The following VPS36 variants were observed in gnomAD, a reference collection of about 807,000 sequenced individuals.
VPS36 encodes the protein vacuolar protein sorting 36 homolog.
A neutral mutation model predicts 63.5 loss-of-function variants in VPS36; 31 were observed. The ratio of observed to expected loss-of-function variants is 0.49; its 90% CI spans 0.37 to 0.66. VPS36 has a LOEUF of 0.66. Ranked by LOEUF, VPS36 falls within the 30% of genes least tolerant of loss-of-function variation. The pLI is 0.00. For missense variants in VPS36, 338 were observed against 463.7 expected, an observed-to-expected ratio of 0.73 and a Z score of 2.49; for synonymous variants, 138 against 157.2, an observed-to-expected ratio of 0.88 and a Z score of 0.91.
intron 10 of VPS36, 93 bp from the exon 11 acceptor site, chr13:52,418,149 T>C (rs1329306901): frequency 4.3e-6 from 5 of 1,165,860 alleles, no homozygotes; most frequent in Non-Finnish European, 6.0e-6. Context: ...ATCAATAATT[T>C]TAGGTGATTT....
At chr13:52,450,278 G>GGACC in intron 1 of VPS36, 2 of 1,146,530 alleles carry the variant, frequency 1.7e-6, no homozygotes, top group Non-Finnish European at 2.1e-6. Flanking sequence ...GCCAAAGTTG[G>GGACC]GACCCGCGCT....
chr13:52,418,470 G>C (rs796997688), intron 10 of VPS36, among the ~76,000 whole-genome samples: 3 of 149,972 alleles, frequency 2.0e-5, no homozygotes, highest in African/African-American at 7.3e-5. Flanking sequence ...AGCTACTCGA[G>C]AGGCTAAGGC....
Position 52,415,184 on chromosome 13 carries a change from A to C in VPS36, c.*646T>G, listed in dbSNP as rs1957982447. 1.3e-5 allele frequency: 2 copies of C among 152,226 alleles called. No homozygotes were observed. The highest frequency in any genetic ancestry group is 1.3e-4 in the Admixed American group (2 of 15,280). The allele number at this position is 152,226 out of a possible 1,614,324, so 9.4% of individuals were successfully genotyped here. On this transcript the variant is annotated 3_prime_UTR_variant, in exon 14 of 14. Coordinates refer to ENST00000378060, the MANE Select transcript of VPS36 (RefSeq NM_016075.4). ...CTATACAGCTCTCTAGTTCAGTTTC[A>C]AAATCCACAGCATTTGGAAACAAAA...
At chr13:52,419,582 T>C (rs528412114) in intron 10 of VPS36, among the ~76,000 whole-genome samples, 1 of 152,184 alleles carries the variant, frequency 6.6e-6, no homozygotes, top group South Asian at 2.1e-4. Flanking sequence ...AAAAACAGTA[T>C]GGCGATTTCT....
chr13:52,450,454 G>A lies in VPS36; in HGVS notation c.96+45C>T, dbSNP rs377497949. On this transcript the variant is annotated intron_variant, in intron 1 of 13. Transcript: ENST00000378060. The stretch of plus-strand genomic sequence containing the variant: ...CTGAGCCGGGCCGCGCGCCCACCGG[G>A]GGTCCCTTCCGCCAGCCCGTTGGGA... 141 of 1,557,860 alleles carry A rather than the reference G, an allele frequency of 9.1e-5. 1 individual carries two copies. Among genetic ancestry groups the A allele is most frequent in the Admixed American group, 2.0e-4 (11 of 54,572 alleles).
chr13:52,417,333 TG>T (rs1958003562), intron 11 of VPS36, among the ~76,000 whole-genome samples, 192 bp from the exon 12 acceptor site: 1 of 152,212 alleles, frequency 6.6e-6, no homozygotes, highest in African/African-American at 2.4e-5. Flanking sequence ...AATAAAATTA[TG>T]AACTAAAATC....
chr13:52,446,253 G>A (rs1440989431), intron 1 of VPS36, among the ~76,000 whole-genome samples: 3 of 148,036 alleles, frequency 2.0e-5, no homozygotes, highest in Non-Finnish European at 3.0e-5. Flanking sequence ...GCAACAGAGC[G>A]AGATTCCGTC....
chr13:52,445,939 C>CAAA lies in VPS36; in HGVS notation c.97-3497_97-3495dup, dbSNP rs34529458. Among the ~76,000 whole-genome samples the CAAA allele has an allele frequency of 9.0e-3, 139 of 15,362 alleles. 45 individuals are homozygous for CAAA. Among genetic ancestry groups the CAAA allele is most frequent in the Non-Finnish European group, 9.3e-3 (90 of 9,718 alleles). 10.1% of individuals were successfully genotyped at this position (15,362 alleles called of 152,430 possible). A position where few individuals can be genotyped will look rare whatever the true frequency, so the allele number is the denominator to read the frequency against. ...TGGGCGACAGAGAAAGACTCTATCT[C>CAAA]AAAAAAAAAAAAAAAAAAAAAAAAA... On this transcript the variant is annotated intron_variant, in intron 1 of 13. Transcript: ENST00000378060.
intron 3 of VPS36, among the ~76,000 whole-genome samples, chr13:52,437,088 C>G (rs150767943): frequency 6.6e-6 from 1 of 150,898 alleles, no homozygotes; most frequent in Non-Finnish European, 1.5e-5. Context: ...AATAAGCAAT[C>G]TTCTATAAAG....
intron 2 of VPS36, among the ~76,000 whole-genome samples, chr13:52,439,916 C>A (rs1958259099): frequency 6.6e-6 from 1 of 151,990 alleles, no homozygotes. Context: ...CTCATATGCC[C>A]ATATACAATT....
In VPS36 at chr13:52,413,757, G is replaced by A. The variant is rs1430033824; in HGVS notation, c.*2073C>T. On this transcript the variant is annotated 3_prime_UTR_variant, in exon 14 of 14. Coordinates refer to ENST00000378060, the MANE Select transcript of VPS36 (RefSeq NM_016075.4). ...CTTTTTTGCACTTAGGGCCTGATTG[G>A]TTGTATTTAAACATAACTTCTACAT... The A allele has an allele frequency of 6.6e-6, 1 of 152,316 alleles. No individual in the cohort carries two copies. Among genetic ancestry groups the A allele is most frequent in the East Asian group, 1.9e-4 (1 of 5,182 alleles). The allele number at this position is 152,316 out of a possible 1,614,324, so 9.4% of individuals were successfully genotyped here.
At chr13:52,418,093 G>A in intron 10 of VPS36, 37 bp from the exon 11 acceptor site, 1 of 1,524,872 alleles carries the variant, frequency 6.6e-7, no homozygotes, top group Non-Finnish European at 9.0e-7. Flanking sequence ...GCTATACAAT[G>A]GTAATGATCA....
chr13:52,435,694 A>T (rs1474546229), intron 4 of VPS36, among the ~76,000 whole-genome samples: 1 of 152,236 alleles, frequency 6.6e-6, no homozygotes, highest in Non-Finnish European at 1.5e-5. Flanking sequence ...TCAATCACTT[A>T]TATCTGCTTA....
intron 10 of VPS36, among the ~76,000 whole-genome samples, chr13:52,420,722 A>G (rs1349046257): frequency 6.6e-6 from 1 of 152,182 alleles, no homozygotes; most frequent in Non-Finnish European, 1.5e-5. Flanking sequence ...CAGACCCCCA[A>G]TTTCCCTGAT....
chr13:52,417,792 A>T (rs1958007152), intron 11 of VPS36, among the ~76,000 whole-genome samples, 200 bp downstream of exon 11: 1 of 152,232 alleles, frequency 6.6e-6, no homozygotes, highest in South Asian at 2.1e-4. Context: ...CCACATTCTT[A>T]TTTCATTCCC....
At position 52,414,123 on chromosome 13, in the gene VPS36, T is replaced by A. The variant is rs1182620143; in HGVS notation, c.*1707A>T. 5.3e-5 allele frequency: 8 copies of A among 152,202 alleles called. No homozygotes were observed. The highest frequency in any genetic ancestry group is 1.2e-4 in the Non-Finnish European group (8 of 68,044). The allele number at this position is 152,202 out of a possible 1,614,324, so 9.4% of individuals were successfully genotyped here. A position where few individuals can be genotyped will look rare whatever the true frequency, so the allele number is the denominator to read the frequency against. ...AATCTTCCTTGCAACTCACTCCAGC[T>A]GGTGAAACAGATTATTTATCTTCAT... On this transcript the variant is annotated 3_prime_UTR_variant, in exon 14 of 14. Coordinates refer to ENST00000378060, the MANE Select transcript of VPS36 (RefSeq NM_016075.4).
intron 12 of VPS36, among the ~76,000 whole-genome samples, chr13:52,416,667 G>A (rs1957995730): frequency 6.6e-6 from 1 of 152,162 alleles, no homozygotes; most frequent in African/African-American, 2.4e-5. Context: ...ATTTTTTGAA[G>A]CAATTATTTT....
chr13:52,438,122 C>T (rs561153952), intron 3 of VPS36, among the ~76,000 whole-genome samples: 2 of 151,932 alleles, frequency 1.3e-5, no homozygotes, highest in East Asian at 1.9e-4. Context: ...AAGACACTAA[C>T]GTGAAGGTAA....
chr13:52,444,820 G>C (rs1406932206), intron 1 of VPS36, among the ~76,000 whole-genome samples: 2 of 151,808 alleles, frequency 1.3e-5, no homozygotes, highest in Admixed American at 1.3e-4. Flanking sequence ...TAACAACTTT[G>C]TTACATGTCT....
Sources: gnomAD v4.1 joint callset for allele counts (sites outside exome capture counted in the v4.1 genomes callset) on GRCh38, gnomAD v4.1.1 for gene constraint, MANE v1.5 for transcripts, NCBI Gene and HGNC (gene_info 2026-07-23, HGNC 2026-07-21) for gene names.